Variants in BTNL2 observed in about 807,000 individuals in gnomAD.
BTNL2 encodes butyrophilin like 2.
BTNL2 carries 46 observed loss-of-function variants against 46.8 expected under a neutral mutation model. That is an observed-to-expected ratio of 0.98 (90% CI 0.78 to 1.26). The LOEUF (loss-of-function observed/expected upper bound fraction) is 1.26, where lower values mean the gene tolerates loss of function less well. BTNL2 is among the 50% of genes most tolerant of loss of function. BTNL2 has a pLI of 0.00. For synonymous variants in BTNL2, 226 were observed against 229.1 expected (o/e 0.99, Z 0.12); for missense variants, 461 against 592.6 (o/e 0.78, Z 2.31).
intron 1 of BTNL2, 155 bp downstream of exon 1, chr6:32,406,889 TG>T: frequency 1.6e-6 from 1 of 630,864 alleles, no homozygotes; most frequent in East Asian, 2.6e-5. Context: ...GAGGAGCTCC[TG>T]GGAGTGGAGG....
Position 32,396,163 on chromosome 6 carries a change from G to T in BTNL2, c.954C>A (p.Ala318=). 3 of 1,613,052 alleles carry T rather than the reference G, an allele frequency of 1.9e-6. No homozygotes were observed. Among genetic ancestry groups the T allele is most frequent in the Non-Finnish European group, 2.5e-6 (3 of 1,180,016 alleles). ...GCAGGGTCAGTCTGCCCTCGTCAAT[G>T]GCGTCACTCACCAGTACAGTCCTCC... ...YRGRTVLVSD[A]IDEGRLTLQI... The change falls in exon 5 of 8, where the codon GCC becomes GCA. Residue 318 remains alanine, a synonymous_variant. Transcript: ENST00000454136. The surrounding 1 kb of genome is among the most constrained non-coding windows in gnomAD (Gnocchi z 4.4).
chr6:32,394,123 C>A lies in BTNL2; in HGVS notation c.1361-66G>T. 6.5e-7 allele frequency: 1 copy of A among 1,537,640 alleles called. No homozygotes were observed. Among genetic ancestry groups the A allele is most frequent in the South Asian group, 1.2e-5 (1 of 82,228 alleles). ...GGGACAATATTAAGATTGTACTTTT[C>A]ATCTGAGCAGCTTCTAGGCTGGAGA... On this transcript the variant is annotated intron_variant, in intron 6 of 7. Coordinates refer to ENST00000454136, the MANE Select transcript of BTNL2 (RefSeq NM_001304561.2). This position sits in a 1 kb window ranked among gnomAD's most constrained non-coding sequence, Gnocchi z 4.6.
At chr6:32,400,752 A>C (rs1776707581) in intron 4 of BTNL2, among the ~76,000 whole-genome samples, 1 of 139,390 alleles carries the variant, frequency 7.2e-6, no homozygotes, top group Admixed American at 7.4e-5. Context: ...TACTAAAAAA[A>C]AAAAAAAAAA....
Position 32,396,931 on chromosome 6 carries a change from G to T in BTNL2, c.731-545C>A, listed in dbSNP as rs1308911004. On this transcript the variant is annotated intron_variant, in intron 4 of 7. Transcript: ENST00000454136. This position sits in a 1 kb window ranked among gnomAD's most constrained non-coding sequence, Gnocchi z 4.4. ...GGAGGCAGAGGTTGCAGTGAGCTGAGATCATGCCACTGCACTCCAGGCTGG... is the reference window on the plus strand; with the variant it reads ...GGAGGCAGAGGTTGCAGTGAGCTGATATCATGCCACTGCACTCCAGGCTGG... 6.6e-6 allele frequency among the ~76,000 whole-genome samples: 1 copy of T among 152,110 alleles called. No individual in the cohort carries two copies. Among genetic ancestry groups the T allele is most frequent in the Non-Finnish European group, 1.5e-5 (1 of 68,016 alleles).
rs759200295 is a variant in BTNL2 at position 32,405,273 on chromosome 6, G to T, written c.93C>A (p.Val31=). The part of the protein sequence containing the change: ...LTMKQSEDFR[V]IGPAHPILAG... ...CCAGGATAGGATGAGCAGGGCCAAT[G>T]ACTCTAAAGTCTTCTATAAAATAAG... The change falls in exon 2 of 8, where the codon GTC becomes GTA. Residue 31 remains valine (V), a synonymous_variant. Coordinates refer to ENST00000454136, the MANE Select transcript of BTNL2 (RefSeq NM_001304561.2). 3.1e-6 allele frequency: 5 copies of T among 1,612,988 alleles called. No individual in the cohort carries two copies. Among genetic ancestry groups the T allele is most frequent in the Admixed American group, 3.3e-5 (2 of 60,028 alleles).
At chr6:32,404,865 A>G in intron 2 of BTNL2, 74 bp downstream of exon 2, 1 of 1,382,572 alleles carries the variant, frequency 7.2e-7, no homozygotes, top group Non-Finnish European at 1.0e-6. Context: ...GGATTTCCTC[A>G]ACTGTCACAA....
Position 32,393,913 on chromosome 6 carries a change from G to A in BTNL2, c.*6+50C>T, listed in dbSNP as rs953516513. The A allele has an allele frequency of 6.5e-7, 1 of 1,545,038 alleles. No individual in the cohort carries two copies. The highest frequency in any genetic ancestry group is 2.5e-5 in the East Asian group (1 of 40,780). On this transcript the variant is annotated intron_variant, in intron 7 of 7. Coordinates refer to ENST00000454136, the MANE Select transcript of BTNL2 (RefSeq NM_001304561.2). The surrounding 1 kb of genome is among the most constrained non-coding windows in gnomAD (Gnocchi z 4.8). ...AAAGGGAGGCTCGGGGAAGTACGCA[G>A]TACGGTTCCCACTGCAGTGTGCTCC...
chr6:32,399,980 T>C lies in BTNL2; in HGVS notation c.730+1805A>G, dbSNP rs184243021. Among the ~76,000 whole-genome samples, 2,654 of 152,202 alleles carry C rather than the reference T, an allele frequency of 0.017. 77 individuals are homozygous for C. Among genetic ancestry groups the C allele is most frequent in the East Asian group, 0.11 (558 of 5,162 alleles). ...GTTGGTTAATTGTGGCCCCGGAGGT[T>C]ACCATGACTTAGGAACAACAGGACA... is the stretch of plus-strand genomic sequence containing the variant. On this transcript the variant is annotated intron_variant, in intron 4 of 7. Coordinates refer to ENST00000454136, the MANE Select transcript of BTNL2 (RefSeq NM_001304561.2). This position sits in a 1 kb window ranked among gnomAD's most constrained non-coding sequence, Gnocchi z 5.2.
In BTNL2 at chr6:32,399,896, G is replaced by A. The variant is rs117579701; in HGVS notation, c.730+1889C>T. On this transcript the variant is annotated intron_variant, in intron 4 of 7. Transcript: ENST00000454136. This position sits in a 1 kb window ranked among gnomAD's most constrained non-coding sequence, Gnocchi z 5.2. Reference sequence around the variant, plus strand: ...ATTAGAGCTCACCTGCAAAGCTTCCGTGCCCAGAGCCCTCCTCTCCCACCT... The same window carrying A: ...ATTAGAGCTCACCTGCAAAGCTTCCATGCCCAGAGCCCTCCTCTCCCACCT... Among the ~76,000 whole-genome samples, 2,665 of 152,202 alleles carry A rather than the reference G, an allele frequency of 0.018. 76 individuals carry two copies. Among genetic ancestry groups the A allele is most frequent in the East Asian group, 0.11 (566 of 5,182 alleles).
chr6:32,404,160 C>T (rs939468331), intron 2 of BTNL2, among the ~76,000 whole-genome samples: 2 of 152,180 alleles, frequency 1.3e-5, no homozygotes, highest in Non-Finnish European at 2.9e-5. Flanking sequence ...AAGAAGGAAG[C>T]AGTATCAGCT....
Position 32,403,232 on chromosome 6 carries a change from A to G in BTNL2, c.428-16T>C. ...GACCCCAGACCTGCAGAGGGAAGCC[A>G]CAGCTCTGACACCCAGAGCCCACAG... On this transcript the variant is annotated splice_polypyrimidine_tract_variant and intron_variant, in intron 2 of 7. Coordinates refer to ENST00000454136, the MANE Select transcript of BTNL2 (RefSeq NM_001304561.2). The G allele has an allele frequency of 6.3e-7, 1 of 1,584,582 alleles. No individual in the cohort carries two copies. Among genetic ancestry groups the G allele is most frequent in the Non-Finnish European group, 8.6e-7 (1 of 1,164,456 alleles).
In BTNL2 at chr6:32,394,601, C is replaced by G. The variant is rs1007752693; in HGVS notation, c.1360+143G>C. 4.1e-6 allele frequency: 4 copies of G among 974,180 alleles called. No homozygotes were observed. In the Middle Eastern group the frequency reaches 7.7e-4, roughly 188 times the overall value. The allele number at this position is 974,180 out of a possible 1,614,324, so 60.3% of individuals were successfully genotyped here. On this transcript the variant is annotated intron_variant, in intron 6 of 7. Coordinates refer to ENST00000454136, the MANE Select transcript of BTNL2 (RefSeq NM_001304561.2). This position sits in a 1 kb window ranked among gnomAD's most constrained non-coding sequence, Gnocchi z 4.6. ...GTAGAATCCCTGGGTGTCCTGAAAACCAGCTTTGCAGAGGATAGCAGGAGA... is the reference window on the plus strand; with the variant it reads ...GTAGAATCCCTGGGTGTCCTGAAAAGCAGCTTTGCAGAGGATAGCAGGAGA...
chr6:32,404,961 T>C lies in BTNL2; in HGVS notation c.405A>G (p.Thr135=). 1.2e-6 allele frequency: 2 copies of C among 1,612,964 alleles called. No homozygotes were observed. The highest frequency in any genetic ancestry group is 3.3e-5 in the Admixed American group (2 of 60,026). ...CACCTGCTACTTTGAGCAGCAAGCT[T>C]GTTTCTCCACAGTAGTTCCCATCCT... ...HFQDGNYCGE[T]SLLLKVAGLG... is the part of the protein sequence containing the mutation. Residue 135 remains threonine, a synonymous_variant, in exon 2 of 8, where the codon ACA becomes ACG. Coordinates refer to ENST00000454136, the MANE Select transcript of BTNL2 (RefSeq NM_001304561.2).
rs374711376 is a variant in BTNL2, at chr6:32,396,990, A to AACAAGCAAACAAAC, written c.731-605_731-604insGTTTGTTTGCTTGT. Among the ~76,000 whole-genome samples the AACAAGCAAACAAAC allele has an allele frequency of 0.012, 1,809 of 152,152 alleles. 65 individuals are homozygous for AACAAGCAAACAAAC. Among genetic ancestry groups the AACAAGCAAACAAAC allele is most frequent in the East Asian group, 0.11 (543 of 5,126 alleles). On this transcript the variant is annotated intron_variant, in intron 4 of 7. Coordinates refer to ENST00000454136, the MANE Select transcript of BTNL2 (RefSeq NM_001304561.2). The surrounding 1 kb of genome is among the most constrained non-coding windows in gnomAD (Gnocchi z 4.4). ...GCGAGACTTTAAAAACAAACAAACA[A>AACAAGCAAACAAAC]AAAACACCCAGAATAAAGTGAACAG...
In BTNL2 at chr6:32,394,757, A is replaced by C; in HGVS notation, c.1347T>G (p.Thr449=). ...GGAATCACCAACCTGAGAGAGAAAA[A>C]GTTGCGATTTTCTCCTCGCCCAAAA... ...IPFLGEEKIA[T]FSLSESRMTF... The change falls in exon 6 of 8, where the codon ACT becomes ACG. Residue 449 remains threonine, a synonymous_variant. Coordinates refer to ENST00000454136, the MANE Select transcript of BTNL2 (RefSeq NM_001304561.2). This position sits in a 1 kb window ranked among gnomAD's most constrained non-coding sequence, Gnocchi z 4.6. The C allele has an allele frequency of 3.7e-6, 6 of 1,612,378 alleles. No homozygotes were observed. Among genetic ancestry groups the C allele is most frequent in the Non-Finnish European group, 5.1e-6 (6 of 1,178,616 alleles).
At position 32,405,059 on chromosome 6, in the gene BTNL2, CA is replaced by C; in HGVS notation, c.306del (p.Ile102MetfsTer8). Reference sequence around the variant, plus strand: ...ATCTTCAGTGCCACATTTCCCTTTGCAATGCCATTCTCTATCCACTCTACCC... The same window carrying C: ...ATCTTCAGTGCCACATTTCCCTTTGCATGCCATTCTCTATCCACTCTACCC... The part of the protein sequence containing the change: ...RGWVEWIENG[I>X]AKGNVALKIH... On this transcript the variant is annotated frameshift_variant, in exon 2 of 8. Transcript: ENST00000454136. LOFTEE classifies it high-confidence loss of function. 1 of 1,613,066 alleles carries C rather than the reference CA, an allele frequency of 6.2e-7. No individual in the cohort carries two copies. Among genetic ancestry groups the C allele is most frequent in the South Asian group, 1.1e-5 (1 of 91,080 alleles).
At position 32,396,825 on chromosome 6, in the gene BTNL2, C is replaced by G. The variant is rs796985251; in HGVS notation, c.731-439G>C. Among the ~76,000 whole-genome samples the G allele has an allele frequency of 2.0e-5, 3 of 148,386 alleles. No homozygotes were observed. The highest frequency in any genetic ancestry group is 7.3e-5 in the African/African-American group (3 of 41,172). On this transcript the variant is annotated intron_variant, in intron 4 of 7. Coordinates refer to ENST00000454136, the MANE Select transcript of BTNL2 (RefSeq NM_001304561.2). This position sits in a 1 kb window ranked among gnomAD's most constrained non-coding sequence, Gnocchi z 4.4. ...GTGAAACCCCGTCTCTACAGAAATA[C>G]AAAAATTAGTCGGGCATGATGGTGG...
chr6:32,405,844 G>A (rs977751572), intron 1 of BTNL2, among the ~76,000 whole-genome samples: 7 of 138,288 alleles, frequency 5.1e-5, no homozygotes, highest in South Asian at 2.4e-4. Flanking sequence ...TTTTTTTCCC[G>A]TCTGGAGTTG....
At position 32,393,384 on chromosome 6, in the gene BTNL2, C is replaced by T. The variant is rs1003103966; in HGVS notation, c.*12G>A. On this transcript the variant is annotated 3_prime_UTR_variant, in exon 8 of 8. Coordinates refer to ENST00000454136, the MANE Select transcript of BTNL2 (RefSeq NM_001304561.2). The surrounding 1 kb of genome is among the most constrained non-coding windows in gnomAD (Gnocchi z 4.8). The stretch of plus-strand genomic sequence containing the variant: ...TGAGCTGTGTTTGAAGCCAATGTCA[C>T]ATTCACTGTAAAGAAAGAGAATCCA... 6.5e-6 allele frequency: 1 copy of T among 152,692 alleles called. No homozygotes were observed. The highest frequency in any genetic ancestry group is 1.5e-5 in the Non-Finnish European group (1 of 68,092). 9.5% of individuals were successfully genotyped at this position (152,692 alleles called of 1,614,324 possible).
Sources: gnomAD v4.1 joint callset for allele counts (sites outside exome capture counted in the v4.1 genomes callset) on GRCh38, gnomAD v4.1.1 for gene constraint, Gnocchi (gnomAD v3.1) non-coding constraint, MANE v1.5 for transcripts, NCBI Gene and HGNC (gene_info 2026-07-23, HGNC 2026-07-21) for gene names.